PTN: variants seen among roughly 807,000 people sequenced by gnomAD.
PTN encodes heparin affin regulatory protein.
PTN carries 18 observed loss-of-function variants against 24.1 expected under a neutral mutation model. That is an observed-to-expected ratio of 0.75 (90% CI 0.52 to 1.11). The LOEUF is 1.11. PTN is among the 50% of genes least tolerant of loss of function. The probability of loss-of-function intolerance (pLI) is 0.00; values close to 1 mark genes in which losing one functional copy is unlikely to be tolerated. For missense variants in PTN, 163 were observed against 198.8 expected (o/e 0.82, Z 1.08); for synonymous variants, 78 against 68.6 (o/e 1.14, Z -0.67).
At chr7:137,273,484 G>A (rs1376886891) in intron 1 of PTN, among the ~76,000 whole-genome samples, 1 of 152,156 alleles carries the variant, frequency 6.6e-6, no homozygotes, top group Non-Finnish European at 1.5e-5. Flanking sequence ...TGAAGTCGAA[G>A]GGACAAGGCA....
At chr7:137,339,471 G>C (rs1810499834) in intron 1 of PTN, among the ~76,000 whole-genome samples, 1 of 150,302 alleles carries the variant, frequency 6.7e-6, no homozygotes, top group Non-Finnish European at 1.5e-5. Context: ...AGTAACTCCA[G>C]CTGCGCCTCT....
chr7:137,331,451 C>A (rs538915563), intron 1 of PTN, among the ~76,000 whole-genome samples: 2 of 152,326 alleles, frequency 1.3e-5, no homozygotes, highest in African/African-American at 4.8e-5. Flanking sequence ...GGCACAGATA[C>A]TAAACGCATT....
chr7:137,319,719 G>C (rs1810132457), intron 1 of PTN, among the ~76,000 whole-genome samples: 1 of 152,206 alleles, frequency 6.6e-6, no homozygotes, highest in African/African-American at 2.4e-5. Flanking sequence ...AAGGCTTGGA[G>C]ACCCAGAAGC....
intron 4 of PTN, among the ~76,000 whole-genome samples, chr7:137,235,298 G>A (rs571285482): frequency 1.4e-4 from 21 of 152,042 alleles, no homozygotes; most frequent in African/African-American, 2.9e-4. Context: ...CTAATCCCTC[G>A]CCCCACGTCA....
chr7:137,342,412 T>A (rs2128884515), intron 1 of PTN, among the ~76,000 whole-genome samples: 1 of 152,254 alleles, frequency 6.6e-6, no homozygotes, highest in African/African-American at 2.4e-5. Flanking sequence ...TTTTCTCCTC[T>A]TAGCACCCCT....
intron 1 of PTN, among the ~76,000 whole-genome samples, chr7:137,311,213 CAGAG>C (rs1229238566): frequency 8.5e-6 from 1 of 117,164 alleles, no homozygotes; most frequent in Non-Finnish European, 1.7e-5. Flanking sequence ...GCCTGGGTGA[CAGAG>C]GGAGACTCCA....
intron 1 of PTN, among the ~76,000 whole-genome samples, chr7:137,265,578 C>A (rs1205216208): frequency 2.6e-5 from 4 of 152,202 alleles, no homozygotes; most frequent in Non-Finnish European, 4.4e-5. Context: ...AGGGGCTGAC[C>A]CGCAGGGTAC....
chr7:137,267,502 C>A (rs1809176637), intron 1 of PTN, among the ~76,000 whole-genome samples: 1 of 152,132 alleles, frequency 6.6e-6, no homozygotes, highest in African/African-American at 2.4e-5. Flanking sequence ...AAACAAGGGA[C>A]CTGTCTAGGC....
intron 1 of PTN, among the ~76,000 whole-genome samples, chr7:137,296,858 G>A (rs1482863864): frequency 1.3e-5 from 2 of 152,024 alleles, no homozygotes; most frequent in African/African-American, 2.4e-5. Flanking sequence ...CCCCCAAATC[G>A]AAGCAGATTG....
intron 1 of PTN, among the ~76,000 whole-genome samples, chr7:137,288,900 A>T (rs1305425754): frequency 6.6e-6 from 1 of 152,190 alleles, no homozygotes; most frequent in Non-Finnish European, 1.5e-5. Flanking sequence ...GAATACTTCA[A>T]ATCAGATAAT....
intron 1 of PTN, among the ~76,000 whole-genome samples, chr7:137,302,953 G>A (rs185802507): frequency 6.6e-6 from 1 of 151,860 alleles, no homozygotes; most frequent in African/African-American, 2.4e-5. Context: ...GTCTCAAAAA[G>A]AAAGTACTTG....
chr7:137,300,188 C>A (rs1381078744), intron 1 of PTN, among the ~76,000 whole-genome samples: 3 of 151,860 alleles, frequency 2.0e-5, no homozygotes, highest in African/African-American at 7.2e-5. Context: ...ATTTTTATAT[C>A]TTTTACCCCA....
chr7:137,339,449 G>A (rs1810499328), intron 1 of PTN, among the ~76,000 whole-genome samples: 1 of 151,528 alleles, frequency 6.6e-6, no homozygotes. Context: ...CCGAGACGAT[G>A]TGATGGACAT....
chr7:137,301,877 C>T (rs322260), intron 1 of PTN, among the ~76,000 whole-genome samples: 150,400 of 152,084 alleles, frequency 0.99, 74,381 homozygotes, highest in East Asian at 1. Context: ...GAGGTAACCG[C>T]GAACCTCTTT....
At chr7:137,233,796 G>T (rs920533443) in intron 4 of PTN, among the ~76,000 whole-genome samples, 10 of 151,612 alleles carry the variant, frequency 6.6e-5, no homozygotes, top group African/African-American at 2.4e-4. Flanking sequence ...GAAAAGGAGG[G>T]TTTCTCCTCT....
chr7:137,298,492 T>C (rs1017157181), intron 1 of PTN, among the ~76,000 whole-genome samples: 1 of 151,920 alleles, frequency 6.6e-6, no homozygotes, highest in Non-Finnish European at 1.5e-5. Context: ...TTATAATTCA[T>C]GTCAAAAAAT....
At position 137,228,051 on chromosome 7, in the gene PTN, T is replaced by A. The variant is rs1299998478; in HGVS notation, c.476A>T (p.Glu159Val). The A allele has an allele frequency of 1.3e-6, 2 of 1,598,472 alleles. No homozygotes were observed. The highest frequency in any genetic ancestry group is 2.7e-5 in the African/African-American group (2 of 74,388). ...CAGCATCTTCTCCTGTTTCTTGCCT[T>A]CCTTTTTCTTCTTCTTAGATTCTGC... ...PQAESKKKKK[E>V]GKKQEKMLD Residue 159 changes from glutamate (E) to valine (V), a missense_variant, in exon 5 of 5, where the codon GAA becomes GTA. By Grantham distance (121) the Glu-to-Val change is moderately radical. Coordinates refer to ENST00000348225, the MANE Select transcript of PTN (RefSeq NM_002825.7).
chr7:137,265,146 A>G (rs1809118370), intron 1 of PTN, among the ~76,000 whole-genome samples: 1 of 152,176 alleles, frequency 6.6e-6, no homozygotes, highest in Admixed American at 6.5e-5. Flanking sequence ...ACCTACTAAA[A>G]TATTGAATTA....
chr7:137,293,960 G>GA (rs1168975112), intron 1 of PTN, among the ~76,000 whole-genome samples: 1 of 151,866 alleles, frequency 6.6e-6, no homozygotes, highest in Non-Finnish European at 1.5e-5. Context: ...AAAATTGAAG[G>GA]AAAAAATGTT....
Sources: gnomAD v4.1 joint callset for allele counts (sites outside exome capture counted in the v4.1 genomes callset) on GRCh38, gnomAD v4.1.1 for gene constraint, MANE v1.5 for transcripts, NCBI Gene and HGNC (gene_info 2026-07-23, HGNC 2026-07-21) for gene names.